Variants in NBEA observed in about 807,000 individuals in gnomAD.
NBEA encodes lysosomal-trafficking regulator 2.
In NBEA, 44 loss-of-function variants were observed where a neutral mutation model predicts 343.4. The ratio of observed to expected loss-of-function variants is 0.13; its 90% CI spans 0.10 to 0.16. The LOEUF (loss-of-function observed/expected upper bound fraction) is 0.16, where lower values mean the gene tolerates loss of function less well. NBEA is among the 10% of genes least tolerant of loss of function. The pLI, the probability that NBEA is intolerant of heterozygous loss-of-function variation, is 1.00. For synonymous variants in NBEA, 1,175 were observed against 1,238.7 expected (o/e 0.95, Z 1.08); for missense variants, 2,555 against 3,631.3 (o/e 0.70, Z 7.62).
rs867489606 is a variant in NBEA, at chr13:35,099,205, T to A, written c.1680+800T>A. On this transcript the variant is annotated intron_variant, in intron 11 of 58. Coordinates refer to ENST00000379939, the MANE Select transcript of NBEA (RefSeq NM_001385012.1). ...CCACCATGCCTGGCTAAAGTTTTTT[T>A]TTTTTTTTTTTGAGATGGAGTCTTG... 2.1e-4 allele frequency among the ~76,000 whole-genome samples: 31 copies of A among 146,430 alleles called. No individual in the cohort carries two copies. In the South Asian group the frequency reaches 2.2e-3, roughly 11 times the overall value.
chr13:35,192,831 A>G (rs79560410), intron 30 of NBEA, among the ~76,000 whole-genome samples: 1,541 of 152,094 alleles, frequency 0.01, 29 homozygotes, highest in African/African-American at 0.035. Context: ...TGCTAGTGAA[A>G]TGCTTATATT....
intron 35 of NBEA, among the ~76,000 whole-genome samples, chr13:35,306,897 T>A (rs1566594739): frequency 6.6e-6 from 1 of 152,096 alleles, no homozygotes; most frequent in Admixed American, 6.6e-5. Context: ...ATCCTCGTTT[T>A]GTTTATACTT....
At chr13:35,109,510 G>T in intron 12 of NBEA, 68 bp downstream of exon 12, 2 of 1,326,812 alleles carry the variant, frequency 1.5e-6, no homozygotes, top group Non-Finnish European at 2.0e-6. Flanking sequence ...TGGATCTATA[G>T]TATTCAGTGG....
chr13:35,533,996 T>C (rs2153000198), intron 41 of NBEA, among the ~76,000 whole-genome samples: 1 of 152,332 alleles, frequency 6.6e-6, no homozygotes, highest in Admixed American at 6.5e-5. Context: ...AATTTATATT[T>C]TATTCACTGG....
At chr13:35,580,754 A>T (rs1187560688) in intron 45 of NBEA, among the ~76,000 whole-genome samples, 1 of 152,230 alleles carries the variant, frequency 6.6e-6, no homozygotes, top group African/African-American at 2.4e-5. Flanking sequence ...TAACCTTATT[A>T]GGTAAAAATT....
chr13:35,564,498 G>A (rs1218674672), intron 44 of NBEA, among the ~76,000 whole-genome samples: 1 of 152,042 alleles, frequency 6.6e-6, no homozygotes, highest in Admixed American at 6.6e-5. Context: ...TATAAAAAAA[G>A]TACTGAGCCC....
At chr13:35,557,642 G>A (rs1050590079) in intron 44 of NBEA, among the ~76,000 whole-genome samples, 3 of 152,028 alleles carry the variant, frequency 2.0e-5, no homozygotes, top group Admixed American at 1.3e-4. Flanking sequence ...AAACATGAAA[G>A]CCTGACTATT....
At chr13:35,471,477 G>T (rs966794366) in intron 40 of NBEA, among the ~76,000 whole-genome samples, 2 of 152,202 alleles carry the variant, frequency 1.3e-5, no homozygotes, top group African/African-American at 4.8e-5. Context: ...CGATCCCCAC[G>T]TTATGTATAA....
intron 1 of NBEA, among the ~76,000 whole-genome samples, chr13:35,003,277 G>C (rs879276375): frequency 2.0e-5 from 3 of 152,046 alleles, no homozygotes; most frequent in African/African-American, 7.3e-5. Context: ...GCTACTTCAG[G>C]GGGGCTGAGG....
chr13:35,135,215 G>A (rs1593461816), intron 17 of NBEA, among the ~76,000 whole-genome samples: 1 of 152,018 alleles, frequency 6.6e-6, no homozygotes, highest in East Asian at 1.9e-4. Context: ...GGTGCATATA[G>A]CATTGAGTTC....
At chr13:35,022,397 A>G (rs1423378440) in intron 1 of NBEA, among the ~76,000 whole-genome samples, 2 of 152,082 alleles carry the variant, frequency 1.3e-5, no homozygotes, top group Non-Finnish European at 1.5e-5. Flanking sequence ...AGTTATTTCT[A>G]TAACACAGGA....
At chr13:35,274,412 G>A (rs570875770) in intron 34 of NBEA, among the ~76,000 whole-genome samples, 1 of 152,242 alleles carries the variant, frequency 6.6e-6, no homozygotes, top group South Asian at 2.1e-4. Flanking sequence ...ATATCATACT[G>A]AATGGGCAAA....
chr13:35,033,203 A>G (rs1400010068), intron 1 of NBEA, among the ~76,000 whole-genome samples: 1 of 152,042 alleles, frequency 6.6e-6, no homozygotes, highest in East Asian at 1.9e-4. Context: ...ATAGGGGTTT[A>G]GTTTCATTCT....
intron 41 of NBEA, among the ~76,000 whole-genome samples, chr13:35,490,684 G>A (rs558052381): frequency 7.9e-5 from 12 of 151,930 alleles, no homozygotes; most frequent in South Asian, 6.2e-4. Context: ...GGTAAAATTG[G>A]CTAAAACTGA....
intron 18 of NBEA, among the ~76,000 whole-genome samples, chr13:35,150,671 G>C (rs1014552138): frequency 3.9e-5 from 6 of 151,950 alleles, no homozygotes; most frequent in African/African-American, 7.3e-5. Flanking sequence ...TCTTTTTTCT[G>C]TTTGGGGAAA....
At chr13:34,983,481 CAT>C (rs778284540) in intron 1 of NBEA, among the ~76,000 whole-genome samples, 26 of 151,996 alleles carry the variant, frequency 1.7e-4, no homozygotes, top group African/African-American at 5.8e-4. Flanking sequence ...CCACAATAAA[CAT>C]GTGTGCATGT....
chr13:35,572,343 G>A (rs976466940), intron 45 of NBEA, among the ~76,000 whole-genome samples: 1 of 152,090 alleles, frequency 6.6e-6, no homozygotes, highest in East Asian at 1.9e-4. Context: ...CTATTTCCCA[G>A]TCATGCCCTC....
chr13:35,068,782 T>C (rs2063752515), intron 8 of NBEA, among the ~76,000 whole-genome samples: 1 of 152,172 alleles, frequency 6.6e-6, no homozygotes, highest in Non-Finnish European at 1.5e-5. Context: ...AATATAGTGA[T>C]TTTAGATAAA....
chr13:35,451,553 T>G (rs1403945064), intron 39 of NBEA, among the ~76,000 whole-genome samples: 7 of 152,366 alleles, frequency 4.6e-5, no homozygotes, highest in African/African-American at 1.4e-4. Context: ...AACTCCGCCT[T>G]TCTGTAACTT....
Sources: gnomAD v4.1 joint callset for allele counts (sites outside exome capture counted in the v4.1 genomes callset) on GRCh38, gnomAD v4.1.1 for gene constraint, MANE v1.5 for transcripts, NCBI Gene and HGNC (gene_info 2026-07-23, HGNC 2026-07-21) for gene names.